The following SAFB2 variants were observed in gnomAD, a reference collection of about 807,000 sequenced individuals.
The protein encoded by SAFB2 is scaffold attachment factor B2.
Under a neutral mutation model 100.6 loss-of-function variants are expected in SAFB2, and 32 were observed. That is an observed-to-expected ratio of 0.32 (90% confidence interval 0.24 to 0.43). The LOEUF is 0.43. Ranked by LOEUF, SAFB2 falls within the 20% of genes least tolerant of loss-of-function variation. SAFB2 has a pLI of 1.00. For missense variants in SAFB2, 1,185 were observed against 1,163.4 expected, an observed-to-expected ratio of 1.02 and a Z score of -0.27; for synonymous variants, 500 against 439.4, an observed-to-expected ratio of 1.14 and a Z score of -1.72.
chr19:5,590,491 C>T (rs1053550557), intron 17 of SAFB2, 83 bp from the exon 18 acceptor site: 2 of 1,441,248 alleles, frequency 1.4e-6, no homozygotes, highest in African/African-American at 1.4e-5. Flanking sequence ...CCACTGCAGG[C>T]CCCAGGGTGG....
intron 13 of SAFB2, 128 bp from the exon 14 acceptor site, chr19:5,595,625 TC>T: frequency 1.7e-6 from 2 of 1,181,010 alleles, no homozygotes; most frequent in Non-Finnish European, 2.3e-6. Context: ...GGCTGTGGTC[TC>T]CAGACCAGAG....
chr19:5,613,667 T>C (rs2052959310), intron 4 of SAFB2, 140 bp from the exon 5 acceptor site: 4 of 1,466,900 alleles, frequency 2.7e-6, no homozygotes, highest in Non-Finnish European at 3.6e-6. Context: ...GGTCATTCAG[T>C]TCAGCACCTG....
intron 2 of SAFB2, among the ~76,000 whole-genome samples, chr19:5,620,322 C>A (rs1320575239): frequency 6.6e-6 from 1 of 152,202 alleles, no homozygotes; most frequent in Non-Finnish European, 1.5e-5. Context: ...ACTTTCTAAG[C>A]ACTGATCCTC....
intron 16 of SAFB2, 31 bp downstream of exon 16, chr19:5,592,716 T>C: frequency 6.2e-7 from 1 of 1,612,246 alleles, no homozygotes; most frequent in South Asian, 1.1e-5. Context: ...CCACAATGAC[T>C]GTAGCTAAAG....
At chr19:5,616,672 G>C (rs1407373375) in intron 2 of SAFB2, among the ~76,000 whole-genome samples, 186 bp from the exon 3 acceptor site, 1 of 78,530 alleles carries the variant, frequency 1.3e-5, no homozygotes, top group Non-Finnish European at 2.2e-5. Context: ...TTTTTTTTGA[G>C]ATGGAGTCTC....
chr19:5,612,363 G>A, intron 6 of SAFB2, 177 bp downstream of exon 6: 1 of 637,858 alleles, frequency 1.6e-6, no homozygotes, highest in Non-Finnish European at 2.8e-6. Flanking sequence ...AGCCAGAATG[G>A]CTCTTCCACA....
intron 8 of SAFB2, 199 bp downstream of exon 8, chr19:5,610,440 A>G (rs1460597548): frequency 8.2e-6 from 5 of 612,354 alleles, no homozygotes; most frequent in Non-Finnish European, 1.5e-5. Flanking sequence ...CATCCCATAG[A>G]TGACAACCAC....
chr19:5,587,123 A>T lies in SAFB2; in HGVS notation c.*120T>A. The T allele has an allele frequency of 7.1e-6, 9 of 1,260,802 alleles. No homozygotes were observed. Among genetic ancestry groups the T allele is most frequent in the African/African-American group, 1.5e-5 (1 of 66,822 alleles). The allele number at this position is 1,260,802 out of a possible 1,614,324, so 78.1% of individuals were successfully genotyped here. On this transcript the variant is annotated 3_prime_UTR_variant, in exon 21 of 21. Coordinates refer to ENST00000252542, the MANE Select transcript of SAFB2 (RefSeq NM_014649.3). This position sits in a 1 kb window ranked among gnomAD's most constrained non-coding sequence, Gnocchi z 4.9. Reference sequence around the variant, plus strand: ...AAAAAAGTGAGTTCACATTGTATTGAGCTACAACATGGTGGCAGGATTTAC... The same window carrying T: ...AAAAAAGTGAGTTCACATTGTATTGTGCTACAACATGGTGGCAGGATTTAC...
chr19:5,613,650 A>G (rs1253598636), intron 4 of SAFB2, 123 bp from the exon 5 acceptor site: 33 of 1,495,558 alleles, frequency 2.2e-5, no homozygotes, highest in South Asian at 1.6e-4. Flanking sequence ...CTGCAAGTCT[A>G]CTGTTGGGTC....
intron 18 of SAFB2, chr19:5,588,998 G>A (rs2052327778): frequency 1.3e-5 from 2 of 152,256 alleles, no homozygotes; most frequent in African/African-American, 4.8e-5. Flanking sequence ...AGACCCATCT[G>A]CACGAGTGCC....
intron 16 of SAFB2, 71 bp downstream of exon 16, chr19:5,592,676 G>T: frequency 6.3e-7 from 1 of 1,576,744 alleles, no homozygotes; most frequent in Non-Finnish European, 8.7e-7. Flanking sequence ...GCACTGGGCT[G>T]AGAACGAGGT....
chr19:5,622,737 A>G lies in SAFB2; in HGVS notation c.-22T>C. 1.3e-6 allele frequency: 2 copies of G among 1,587,134 alleles called. No homozygotes were observed. The highest frequency in any genetic ancestry group is 8.5e-7 in the Non-Finnish European group (1 of 1,171,590). ...CCATCGTCGCGTTCCCGTCTTCGCC[A>G]CCGACTCAGTCGCACACCGCCGGCA... is the stretch of plus-strand genomic sequence containing the variant. On this transcript the variant is annotated 5_prime_UTR_variant, in exon 1 of 21. Transcript: ENST00000252542.
chr19:5,614,780 C>T (rs1440918970), intron 4 of SAFB2, among the ~76,000 whole-genome samples: 2 of 152,224 alleles, frequency 1.3e-5, no homozygotes, highest in African/African-American at 2.4e-5. Context: ...AAGTGAAAAG[C>T]TGGGAAAGCC....
chr19:5,612,214 A>G, intron 6 of SAFB2: 1 of 410,024 alleles, frequency 2.4e-6, no homozygotes, highest in South Asian at 3.1e-5. Flanking sequence ...AAATGACTGC[A>G]GCAAAATATC....
At chr19:5,588,378 T>C (rs1233120921) in intron 18 of SAFB2, among the ~76,000 whole-genome samples, 1 of 152,190 alleles carries the variant, frequency 6.6e-6, no homozygotes, top group Non-Finnish European at 1.5e-5. Context: ...AGAATTACCA[T>C]GACCCAGCAA....
At chr19:5,604,486 T>A in intron 11 of SAFB2, 97 bp downstream of exon 11, 1 of 810,832 alleles carries the variant, frequency 1.2e-6, no homozygotes. Context: ...GCTGCGTGGG[T>A]ACAGGTGGGG....
At position 5,616,141 on chromosome 19, in the gene SAFB2, T is replaced by G. The variant is rs764600611; in HGVS notation, c.534A>C (p.Pro178=). Residue 178 remains proline, a synonymous_variant, in exon 4 of 21, where the codon CCA becomes CCC. Transcript: ENST00000252542. ...AQLRQLPAQP[P]EHAVDGEGFK... is the part of the protein sequence containing the mutation. Reference sequence around the variant, plus strand: ...TCTCCAAGTTACCTACAGCATGCTCTGGGGGCTGAGCCGGGAGCTGTCTCA... The same window carrying G: ...TCTCCAAGTTACCTACAGCATGCTCGGGGGGCTGAGCCGGGAGCTGTCTCA... The G allele has an allele frequency of 9.9e-6, 16 of 1,614,118 alleles. No homozygotes were observed. The highest frequency in any genetic ancestry group is 1.7e-5 in the Admixed American group (1 of 60,020).
rs1372301081 is a variant in SAFB2 at position 5,595,387 on chromosome 19, C to G, written c.1893G>C (p.Arg631=). 5.0e-6 allele frequency: 8 copies of G among 1,612,374 alleles called. No homozygotes were observed. The African/African-American group carries it at 8.0e-5, about 16-fold the overall frequency. ...GCCGCCTCTCCGTTTCGCGGATCTC[C>G]CGTTCCCGCTGCCTCTGGCGCTCTC... The part of the protein sequence containing the change: ...RERERQRQRE[R]EIRETERRRE... Residue 631 remains arginine, a synonymous_variant, in exon 14 of 21, where the codon CGG becomes CGC. Transcript: ENST00000252542.
chr19:5,591,088 G>A lies in SAFB2; in HGVS notation c.2394+660C>T, dbSNP rs796451282. Among the ~76,000 whole-genome samples the A allele has an allele frequency of 3.9e-5, 6 of 152,112 alleles. 1 individual carries two copies. Among genetic ancestry groups the A allele is most frequent in the East Asian group, 1.9e-4 (1 of 5,158 alleles). On this transcript the variant is annotated intron_variant, in intron 17 of 20. Coordinates refer to ENST00000252542, the MANE Select transcript of SAFB2 (RefSeq NM_014649.3). ...CCATCCCCCCGACCCTGGCACATGT[G>A]GGCTAAACGACAACCACCATTTGGG...
Sources: gnomAD v4.1 joint callset for allele counts (sites outside exome capture counted in the v4.1 genomes callset) on GRCh38, gnomAD v4.1.1 for gene constraint, Gnocchi (gnomAD v3.1) non-coding constraint, MANE v1.5 for transcripts, NCBI Gene and HGNC (gene_info 2026-07-23, HGNC 2026-07-21) for gene names.